The following ROBO2 variants were observed in gnomAD, a reference collection of about 807,000 sequenced individuals.
ROBO2 encodes the protein roundabout guidance receptor 2.
In ROBO2, 53 loss-of-function variants were observed where a neutral mutation model predicts 160.8. That is an observed-to-expected ratio of 0.33 (90% CI 0.26 to 0.41). The LOEUF (loss-of-function observed/expected upper bound fraction) is 0.41. Among genes scored for constraint, ROBO2 ranks in the 10% least tolerant of loss-of-function variants. The pLI is 1.00. For missense variants in ROBO2, 1,577 were observed against 1,722.4 expected, an observed-to-expected ratio of 0.92 and a Z score of 1.49; for synonymous variants, 664 against 611.7, an observed-to-expected ratio of 1.09 and a Z score of -1.26.
chr3:77,272,417 G>T (rs77728429), intron 2 of ROBO2, among the ~76,000 whole-genome samples: 4,503 of 151,842 alleles, frequency 0.03, 229 homozygotes, highest in African/African-American at 0.1. Flanking sequence ...AGAGAAGGGC[G>T]GGGGGGAGGT....
intron 2 of ROBO2, among the ~76,000 whole-genome samples, chr3:76,080,817 A>T (rs1431408068): frequency 6.6e-6 from 1 of 152,192 alleles, no homozygotes; most frequent in Non-Finnish European, 1.5e-5. Context: ...GAGAAAATAG[A>T]TCATCTTTTT....
chr3:76,297,336 T>C (rs947526301), intron 2 of ROBO2, among the ~76,000 whole-genome samples: 4 of 152,168 alleles, frequency 2.6e-5, no homozygotes, highest in African/African-American at 4.8e-5. Flanking sequence ...TCTTACATTA[T>C]CTTTTGAAAA....
chr3:77,304,799 G>A (rs1044174845), intron 2 of ROBO2, among the ~76,000 whole-genome samples: 3 of 152,168 alleles, frequency 2.0e-5, no homozygotes, highest in Non-Finnish European at 4.4e-5. Context: ...GATACAGTGT[G>A]TGTATCTGTG....
At chr3:76,401,388 CCTTA>C (rs1453781957) in intron 2 of ROBO2, among the ~76,000 whole-genome samples, 1 of 151,414 alleles carries the variant, frequency 6.6e-6, no homozygotes, top group Non-Finnish European at 1.5e-5. Flanking sequence ...AAATCATTTT[CCTTA>C]CTTCAATATC....
intron 15 of ROBO2, among the ~76,000 whole-genome samples, chr3:77,578,099 T>G (rs1261373737): frequency 1.3e-5 from 2 of 151,888 alleles, no homozygotes; most frequent in East Asian, 3.9e-4. Flanking sequence ...GTGTAGAATA[T>G]TTCACCTGAA....
intron 2 of ROBO2, among the ~76,000 whole-genome samples, chr3:76,488,975 A>G (rs1197128084): frequency 5.4e-5 from 8 of 148,924 alleles, no homozygotes; most frequent in Non-Finnish European, 1.2e-4. Context: ...TCTGATTATT[A>G]TGGGAGGCTG....
intron 2 of ROBO2, among the ~76,000 whole-genome samples, chr3:76,175,443 G>A (rs528383508): frequency 3.9e-5 from 6 of 152,046 alleles, no homozygotes; most frequent in South Asian, 2.1e-4. Flanking sequence ...TAGTCTGAAC[G>A]TTGATTGAGA....
intron 2 of ROBO2, among the ~76,000 whole-genome samples, chr3:77,343,681 A>G (rs778551230): frequency 2.6e-5 from 4 of 152,172 alleles, no homozygotes; most frequent in Non-Finnish European, 2.9e-5. Context: ...CTCTTGACAT[A>G]CAAATGAAGC....
intron 2 of ROBO2, among the ~76,000 whole-genome samples, chr3:76,094,113 A>G (rs942455368): frequency 3.3e-5 from 5 of 151,984 alleles, no homozygotes; most frequent in Admixed American, 6.6e-5. Flanking sequence ...GTGTATAACA[A>G]TCTCGAGTGC....
At chr3:75,917,235 G>T (rs1261569055) in intron 1 of ROBO2, among the ~76,000 whole-genome samples, 3 of 151,936 alleles carry the variant, frequency 2.0e-5, no homozygotes, top group Non-Finnish European at 4.4e-5. Context: ...TCCCCTCCCT[G>T]TGTCCACGTG....
intron 2 of ROBO2, among the ~76,000 whole-genome samples, chr3:77,394,716 C>G (rs1463883239): frequency 6.6e-6 from 1 of 151,948 alleles, no homozygotes; most frequent in Non-Finnish European, 1.5e-5. Context: ...GAAAGATAAC[C>G]AAGAATGCCT....
At chr3:77,492,035 G>C (rs2086188331) in intron 4 of ROBO2, among the ~76,000 whole-genome samples, 1 of 152,038 alleles carries the variant, frequency 6.6e-6, no homozygotes, top group Non-Finnish European at 1.5e-5. Context: ...TTTCTTTGAA[G>C]GTTTCCTGCC....
chr3:75,971,300 C>T (rs1006540050), intron 2 of ROBO2, among the ~76,000 whole-genome samples: 1 of 151,464 alleles, frequency 6.6e-6, no homozygotes, highest in East Asian at 2.0e-4. Context: ...GGTATCATCT[C>T]TCTCAGAGAT....
Position 77,169,782 on chromosome 3 carries a change from G to T in ROBO2, c.388+71442G>T, listed in dbSNP as rs537665655. 5.3e-5 allele frequency among the ~76,000 whole-genome samples: 8 copies of T among 152,004 alleles called. No individual in the cohort carries two copies. The South Asian group carries it at 1.7e-3, about 32-fold the overall frequency. On this transcript the variant is annotated intron_variant, in intron 2 of 25. Transcript: ENST00000461745. ...TTAAAGATAAAGGTCACTCTAAGAA[G>T]GTAGTTCCTGAGTTAAAAGTGTTCC... is the stretch of plus-strand genomic sequence containing the variant.
intron 2 of ROBO2, among the ~76,000 whole-genome samples, chr3:77,297,117 C>A (rs928915965): frequency 6.6e-6 from 1 of 151,896 alleles, no homozygotes; most frequent in Non-Finnish European, 1.5e-5. Context: ...GTCATTAGAT[C>A]AGTCTTCAAT....
intron 2 of ROBO2, among the ~76,000 whole-genome samples, chr3:76,512,083 A>T (rs1196840770): frequency 1.3e-5 from 2 of 152,164 alleles, no homozygotes; most frequent in Admixed American, 1.3e-4. Flanking sequence ...GTCAGTTTAT[A>T]AAATCAAAGA....
intron 2 of ROBO2, among the ~76,000 whole-genome samples, chr3:77,168,764 T>G (rs574007154): frequency 1.1e-3 from 164 of 152,322 alleles, no homozygotes; most frequent in Non-Finnish European, 2.1e-3. Context: ...TGGTCCAATT[T>G]GCCTTCACAG....
intron 2 of ROBO2, among the ~76,000 whole-genome samples, chr3:76,878,534 A>G (rs919461566): frequency 6.6e-6 from 1 of 152,216 alleles, no homozygotes; most frequent in Admixed American, 6.5e-5. Context: ...ATATTCAAAA[A>G]CATCCAGAAC....
intron 2 of ROBO2, among the ~76,000 whole-genome samples, chr3:77,354,431 GAATTTGCATCA>G: frequency 1.1e-4 from 1 of 9,074 alleles, no homozygotes; most frequent in Non-Finnish European, 7.9e-4. Context: ...TTCGCGGCAT[GAATTTGCATCA>G]TGAATTTGCA....
Sources: gnomAD v4.1 joint callset for allele counts (sites outside exome capture counted in the v4.1 genomes callset) on GRCh38, gnomAD v4.1.1 for gene constraint, MANE v1.5 for transcripts, NCBI Gene and HGNC (gene_info 2026-07-23, HGNC 2026-07-21) for gene names.